DGKH: variants seen among roughly 807,000 people sequenced by gnomAD.
The protein encoded by DGKH is DAG kinase eta.
A neutral mutation model predicts 159.3 loss-of-function variants in DGKH; 90 were observed. That is an observed-to-expected ratio of 0.57 (90% CI 0.48 to 0.67). DGKH has a LOEUF of 0.67. Ranked by LOEUF, DGKH falls within the 30% of genes least tolerant of loss-of-function variation. The pLI is 0.00. For missense variants in DGKH, 1,181 were observed against 1,506.1 expected, an observed-to-expected ratio of 0.78 and a Z score of 3.57; for synonymous variants, 536 against 553.8, an observed-to-expected ratio of 0.97 and a Z score of 0.45.
chr13:42,146,471 T>C (rs1955735847), intron 3 of DGKH, among the ~76,000 whole-genome samples: 1 of 152,230 alleles, frequency 6.6e-6, no homozygotes, highest in African/African-American at 2.4e-5. Flanking sequence ...TACAAGGATA[T>C]GATTGCACAT....
chr13:42,219,846 T>C, intron 28 of DGKH, 52 bp downstream of exon 28: 1 of 1,529,158 alleles, frequency 6.5e-7, no homozygotes. Flanking sequence ...AAAGAGCTGA[T>C]TAAAGTGACA....
At chr13:42,197,095 C>A (rs12863254) in intron 17 of DGKH, among the ~76,000 whole-genome samples, 18,071 of 151,642 alleles carry the variant, frequency 0.12, 1,536 homozygotes, top group East Asian at 0.4. Context: ...ACTAAAAATA[C>A]AAAAATTAGC....
chr13:42,244,627 G>T (rs1470162627), downstream of DGKH, among the ~76,000 whole-genome samples: 1 of 152,134 alleles, frequency 6.6e-6, no homozygotes, highest in Admixed American at 6.5e-5. Flanking sequence ...CATACTGGCC[G>T]GGCGCGGTGG....
intron 3 of DGKH, among the ~76,000 whole-genome samples, chr13:42,144,372 G>A (rs145508883): frequency 9.2e-4 from 140 of 152,164 alleles, no homozygotes; most frequent in Non-Finnish European, 1.4e-3. Context: ...TGATGTGCAC[G>A]AAAATCTTAG....
At chr13:42,200,713 G>A (rs1957327557) in intron 20 of DGKH, among the ~76,000 whole-genome samples, 1 of 152,182 alleles carries the variant, frequency 6.6e-6, no homozygotes, top group Non-Finnish European at 1.5e-5. Context: ...CTAAAGAGGT[G>A]TCTCGCTCAT....
chr13:42,051,569 T>G (rs1881302476), intron 1 of DGKH, among the ~76,000 whole-genome samples: 2 of 151,134 alleles, frequency 1.3e-5, no homozygotes, highest in South Asian at 4.2e-4. Context: ...AGACAAATAC[T>G]TTCTGTGTCT....
At chr13:42,042,550 T>C (rs932051711) in intron 1 of DGKH, among the ~76,000 whole-genome samples, 1 of 152,218 alleles carries the variant, frequency 6.6e-6, no homozygotes, top group Non-Finnish European at 1.5e-5. Flanking sequence ...TTTTAAAAAT[T>C]AGGTTTATTT....
chr13:42,085,156 C>T (rs2137729909), intron 1 of DGKH, among the ~76,000 whole-genome samples: 1 of 152,054 alleles, frequency 6.6e-6, no homozygotes, highest in South Asian at 2.1e-4. Context: ...AGATCATTAC[C>T]TGAATTAATA....
intron 1 of DGKH, among the ~76,000 whole-genome samples, chr13:42,086,999 C>T (rs1422185433): frequency 1.4e-5 from 2 of 147,356 alleles, no homozygotes; most frequent in Admixed American, 6.8e-5. Flanking sequence ...CTATTCTGTG[C>T]GTTAATGGGA....
At chr13:42,208,872 A>C in intron 21 of DGKH, 87 bp from the exon 22 acceptor site, 1 of 357,362 alleles carries the variant, frequency 2.8e-6, no homozygotes, top group Non-Finnish European at 4.6e-6. Context: ...TATATTAAAT[A>C]TATGTAGATA....
chr13:42,131,259 G>T (rs1955283723), intron 3 of DGKH, among the ~76,000 whole-genome samples: 1 of 152,142 alleles, frequency 6.6e-6, no homozygotes, highest in Non-Finnish European at 1.5e-5. Context: ...TAGTTTTGTT[G>T]TTGTTCTTTT....
chr13:42,144,741 T>A (rs970582805), intron 3 of DGKH, among the ~76,000 whole-genome samples: 1 of 152,094 alleles, frequency 6.6e-6, no homozygotes, highest in Non-Finnish European at 1.5e-5. Flanking sequence ...CACGTGGTCT[T>A]ATTGACAACT....
At chr13:42,251,571 C>T (rs1958620601) in intron 29 of DGKH, among the ~76,000 whole-genome samples, 1 of 152,082 alleles carries the variant, frequency 6.6e-6, no homozygotes, top group Non-Finnish European at 1.5e-5. Context: ...CCAAGCTCTC[C>T]TCTGATTTCT....
chr13:42,064,456 A>G (rs1189330266), intron 1 of DGKH, among the ~76,000 whole-genome samples: 2 of 152,154 alleles, frequency 1.3e-5, no homozygotes, highest in Non-Finnish European at 2.9e-5. Context: ...GGACAGGGTC[A>G]AACCACTGTT....
chr13:42,177,351 C>T (rs2138055950), intron 12 of DGKH, among the ~76,000 whole-genome samples: 1 of 152,308 alleles, frequency 6.6e-6, no homozygotes, highest in Non-Finnish European at 1.5e-5. Flanking sequence ...TATACTGTGG[C>T]TTGGCTATAA....
At chr13:42,084,608 A>G (rs1361373858) in intron 1 of DGKH, among the ~76,000 whole-genome samples, 1 of 152,200 alleles carries the variant, frequency 6.6e-6, no homozygotes, top group Non-Finnish European at 1.5e-5. Context: ...AAATGTTAAA[A>G]TAACTTTGAT....
At position 42,143,359 on chromosome 13, in the gene DGKH, C is replaced by G. The variant is rs1955624450; in HGVS notation, c.385-11932C>G. The stretch of plus-strand genomic sequence containing the variant: ...ATCAGGGATATTGGTCTAAAATTCT[C>G]TTTTTTTTGTCGTGTCTCTGCCAGG... On this transcript the variant is annotated intron_variant, in intron 3 of 29. Coordinates refer to ENST00000337343, the MANE Select transcript of DGKH (RefSeq NM_178009.5). Among the ~76,000 whole-genome samples the G allele has an allele frequency of 3.3e-5, 5 of 151,660 alleles. No homozygotes were observed. In the South Asian group the frequency reaches 1.0e-3, roughly 32 times the overall value.
chr13:42,124,274 A>T (rs570600557), intron 1 of DGKH, among the ~76,000 whole-genome samples: 4 of 149,536 alleles, frequency 2.7e-5, no homozygotes, highest in African/African-American at 9.9e-5. Flanking sequence ...ACTGATACGC[A>T]CTTACTATAA....
intron 1 of DGKH, among the ~76,000 whole-genome samples, chr13:42,084,256 T>A (rs941206201): frequency 1.8e-4 from 28 of 151,980 alleles, no homozygotes; most frequent in East Asian, 5.8e-4. Flanking sequence ...CACTTAAAAA[T>A]TTTTTTTTGC....
Sources: gnomAD v4.1 joint callset for allele counts (sites outside exome capture counted in the v4.1 genomes callset) on GRCh38, gnomAD v4.1.1 for gene constraint, MANE v1.5 for transcripts, NCBI Gene and HGNC (gene_info 2026-07-23, HGNC 2026-07-21) for gene names.